The following MGAT5 variants were observed in gnomAD, a reference collection of about 807,000 sequenced individuals.
MGAT5 encodes the protein alpha-1,6-mannosylglycoprotein 6-beta-N-acetylglucosaminyltransferase.
MGAT5 carries 30 observed loss-of-function variants against 94.3 expected under a neutral mutation model. The observed-to-expected ratio is 0.32, with a 90% confidence interval of 0.24 to 0.43. The LOEUF (loss-of-function observed/expected upper bound fraction) is 0.43, where lower values mean the gene tolerates loss of function less well. MGAT5 is among the 20% of genes least tolerant of loss of function. The pLI, the probability that MGAT5 is intolerant of heterozygous loss-of-function variation, is 1.00. For synonymous variants in MGAT5, 310 were observed against 322.9 expected, an observed-to-expected ratio of 0.96 and a Z score of 0.43; for missense variants, 691 against 905.5, an observed-to-expected ratio of 0.76 and a Z score of 3.04.
At chr2:134,121,730 G>A (rs1685601376) in intron 1 of MGAT5, among the ~76,000 whole-genome samples, 1 of 152,220 alleles carries the variant, frequency 6.6e-6, no homozygotes, top group South Asian at 2.1e-4. Flanking sequence ...AACATACCCA[G>A]ACCAAAGTGT....
chr2:134,408,443 G>A (rs1205484337), intron 11 of MGAT5, among the ~76,000 whole-genome samples: 1 of 152,206 alleles, frequency 6.6e-6, no homozygotes, highest in Non-Finnish European at 1.5e-5. Context: ...TTGGGTTTTT[G>A]TTTCTGAAAC....
intron 2 of MGAT5, among the ~76,000 whole-genome samples, chr2:134,305,629 A>G (rs1272401854): frequency 6.6e-6 from 1 of 152,224 alleles, no homozygotes; most frequent in African/African-American, 2.4e-5. Context: ...GAACAGGCAG[A>G]AATCTATGAA....
intron 14 of MGAT5, among the ~76,000 whole-genome samples, chr2:134,440,209 A>AT (rs1301545459): frequency 6.6e-6 from 1 of 152,180 alleles, no homozygotes; most frequent in African/African-American, 2.4e-5. Context: ...AGGGGGTGCC[A>AT]TATTCCTGCT....
At chr2:134,375,555 T>C (rs571153557) in intron 10 of MGAT5, among the ~76,000 whole-genome samples, 1 of 152,252 alleles carries the variant, frequency 6.6e-6, no homozygotes, top group Non-Finnish European at 1.5e-5. Context: ...CAGTTTTCAC[T>C]GCATGTGATT....
At chr2:134,414,090 A>G (rs1269605316) in intron 12 of MGAT5, among the ~76,000 whole-genome samples, 1 of 152,000 alleles carries the variant, frequency 6.6e-6, no homozygotes, top group Non-Finnish European at 1.5e-5. Flanking sequence ...ATGTTTATCT[A>G]TAAAAGGTTA....
Position 134,412,968 on chromosome 2 carries a change from A to G in MGAT5, c.1630A>G (p.Ser544Gly). 1 of 1,614,204 alleles carries G rather than the reference A, an allele frequency of 6.2e-7. No individual in the cohort carries two copies. The highest frequency in any genetic ancestry group is 8.5e-7 in the Non-Finnish European group (1 of 1,180,024). The part of the protein sequence containing the change: ...FLNPKFNPPK[S>G]SKNTDFFIGK... The stretch of plus-strand genomic sequence containing the variant: ...GAATCCCAAGTTCAACCCACCCAAA[A>G]GCAGCAAAAACACAGACTTTTTCAT... The change falls in exon 12 of 16, where the codon AGC becomes GGC. Residue 544 changes from serine (S) to glycine (G), a missense_variant. Coordinates refer to ENST00000281923, the MANE Select transcript of MGAT5 (RefSeq NM_002410.5).
At chr2:134,317,659 C>T in intron 3 of MGAT5, 54 bp downstream of exon 3, 1 of 1,193,284 alleles carries the variant, frequency 8.4e-7, no homozygotes, top group East Asian at 2.8e-5. Flanking sequence ...CTTCTTTTTC[C>T]CTTCTCTTCC....
intron 10 of MGAT5, among the ~76,000 whole-genome samples, chr2:134,375,425 G>T (rs1018839118): frequency 6.6e-6 from 1 of 152,234 alleles, no homozygotes; most frequent in Non-Finnish European, 1.5e-5. Context: ...GTACGGTTCT[G>T]TGTGGAAACC....
At chr2:134,323,435 CAGT>C (rs1447440082) in intron 4 of MGAT5, among the ~76,000 whole-genome samples, 3 of 152,088 alleles carry the variant, frequency 2.0e-5, no homozygotes, top group Non-Finnish European at 4.4e-5. Flanking sequence ...GTCTTGAAAC[CAGT>C]CCCCAACAGA....
chr2:134,327,953 T>G (rs1035499255), intron 4 of MGAT5, among the ~76,000 whole-genome samples: 7 of 152,156 alleles, frequency 4.6e-5, no homozygotes, highest in African/African-American at 1.7e-4. Flanking sequence ...TGTCCTTATG[T>G]GGATACAGAC....
chr2:134,283,411 A>G (rs1684818622), intron 2 of MGAT5, among the ~76,000 whole-genome samples: 1 of 152,228 alleles, frequency 6.6e-6, no homozygotes, highest in Non-Finnish European at 1.5e-5. Context: ...GTTTTTAACC[A>G]AAACTAAGGA....
intron 1 of MGAT5, among the ~76,000 whole-genome samples, chr2:134,170,390 G>C (rs556625600): frequency 4.6e-5 from 7 of 152,280 alleles, no homozygotes; most frequent in African/African-American, 1.7e-4. Context: ...CATTTATTGA[G>C]CCCAGACTGT....
intron 1 of MGAT5, among the ~76,000 whole-genome samples, chr2:134,122,336 T>G (rs1236502637): frequency 6.6e-6 from 1 of 152,164 alleles, no homozygotes; most frequent in African/African-American, 2.4e-5. Context: ...ACTCCTGACC[T>G]CCGGTGATCC....
intron 14 of MGAT5, among the ~76,000 whole-genome samples, chr2:134,433,382 T>C: frequency 6.6e-6 from 1 of 152,266 alleles, no homozygotes; most frequent in Middle Eastern, 3.2e-3. Flanking sequence ...TGGACCTGTT[T>C]TCGTTTCTCC....
At position 134,450,310 on chromosome 2, in the gene MGAT5, C is replaced by G. The variant is rs1686032129; in HGVS notation, c.*1463C>G. ...CGCCTCAGTCGCTCAATGATGTGCTCTGTGCCGGGGCTTCCAAGCACCCTT... is the reference window on the plus strand; with the variant it reads ...CGCCTCAGTCGCTCAATGATGTGCTGTGTGCCGGGGCTTCCAAGCACCCTT... On this transcript the variant is annotated 3_prime_UTR_variant, in exon 16 of 16. Transcript: ENST00000281923. The G allele has an allele frequency of 6.6e-6, 1 of 152,186 alleles. No individual in the cohort carries two copies. Among genetic ancestry groups the G allele is most frequent in the South Asian group, 2.1e-4 (1 of 4,822 alleles). The allele number at this position is 152,186 out of a possible 1,614,324, so 9.4% of individuals were successfully genotyped here.
chr2:134,288,612 T>A (rs943639146), intron 2 of MGAT5, among the ~76,000 whole-genome samples: 4 of 152,238 alleles, frequency 2.6e-5, no homozygotes, highest in African/African-American at 9.6e-5. Flanking sequence ...AAATTGATGG[T>A]TCATTGTTCT....
At chr2:134,318,002 CTG>C (rs1687096818) in intron 3 of MGAT5, among the ~76,000 whole-genome samples, 1 of 152,230 alleles carries the variant, frequency 6.6e-6, no homozygotes, top group Non-Finnish European at 1.5e-5. Flanking sequence ...AGCCTCCAGA[CTG>C]TGGTTTAAGT....
chr2:134,147,633 C>T (rs1369720867), intron 1 of MGAT5, among the ~76,000 whole-genome samples: 3 of 151,578 alleles, frequency 2.0e-5, no homozygotes, highest in Admixed American at 6.6e-5. Flanking sequence ...AAGGAACAGC[C>T]TCTAATGGAA....
chr2:134,344,712 A>AT (rs1324241302), intron 7 of MGAT5, among the ~76,000 whole-genome samples: 1 of 152,128 alleles, frequency 6.6e-6, no homozygotes, highest in Non-Finnish European at 1.5e-5. Context: ...CTGTGTTTAT[A>AT]TGCCACCATT....
Sources: allele counts gnomAD v4.1 joint callset (sites outside exome capture counted in the v4.1 genomes callset), GRCh38; gene constraint gnomAD v4.1.1; transcripts MANE v1.5; gene names NCBI Gene and HGNC (gene_info 2026-07-23, HGNC 2026-07-21).